Variants in EVI5 observed in about 807,000 individuals in gnomAD.
EVI5 encodes ecotropic viral integration site 5 protein homolog.
EVI5 carries 73 observed loss-of-function variants against 112.0 expected under a neutral mutation model. The ratio of observed to expected loss-of-function variants is 0.65; its 90% confidence interval spans 0.54 to 0.79. EVI5 has a LOEUF of 0.79. Ranked by LOEUF, EVI5 falls within the 30% of genes least tolerant of loss-of-function variation. EVI5 has a pLI of 0.00. For synonymous variants in EVI5, 305 were observed against 319.9 expected (o/e 0.95, Z 0.50); for missense variants, 900 against 968.8 (o/e 0.93, Z 0.94).
At chr1:92,708,097 A>T (rs1275198280) in intron 2 of EVI5, among the ~76,000 whole-genome samples, 1 of 152,194 alleles carries the variant, frequency 6.6e-6, no homozygotes, top group East Asian at 1.9e-4. Context: ...AGTTAGGTAA[A>T]GCCTTAATTA....
chr1:92,694,653 T>TA (rs904163812), intron 7 of EVI5, among the ~76,000 whole-genome samples: 1 of 152,266 alleles, frequency 6.6e-6, no homozygotes, highest in East Asian at 1.9e-4. Flanking sequence ...GAAAACTTTA[T>TA]AAAAAACAGG....
intron 19 of EVI5, among the ~76,000 whole-genome samples, chr1:92,552,122 GAAA>G (rs143454054): frequency 0.8 from 98,359 of 122,822 alleles, 39,071 homozygotes; most frequent in East Asian, 0.92. Flanking sequence ...GGGCTGTAGG[GAAA>G]AAAAAAAAAA....
intron 11 of EVI5, among the ~76,000 whole-genome samples, chr1:92,664,342 C>T (rs1664513801): frequency 6.6e-6 from 1 of 151,998 alleles, no homozygotes. Flanking sequence ...CACATCTGGG[C>T]CATCTAAGCC....
intron 10 of EVI5, among the ~76,000 whole-genome samples, chr1:92,667,056 G>A (rs1356382029): frequency 1.3e-5 from 2 of 152,194 alleles, no homozygotes; most frequent in African/African-American, 4.8e-5. Flanking sequence ...GGGAGACCAG[G>A]CAGGTGGATC....
At chr1:92,684,508 A>G (rs934023705) in intron 9 of EVI5, among the ~76,000 whole-genome samples, 2 of 152,208 alleles carry the variant, frequency 1.3e-5, no homozygotes, top group Non-Finnish European at 2.9e-5. Context: ...TGGGCAAAAT[A>G]ACCAGCTAAC....
chr1:92,709,302 C>T lies in EVI5; in HGVS notation c.150-4558G>A. On this transcript the variant is annotated intron_variant, in intron 2 of 19. Coordinates refer to ENST00000684568, the MANE Select transcript of EVI5 (RefSeq NM_001350197.2). ...GTATATACATTCTTTGAAATTCAAA[C>T]TTTACACTTAAGAACTACACATTTC... 1.3e-5 allele frequency among the ~76,000 whole-genome samples: 2 copies of T among 152,088 alleles called. 1 individual carries two copies. Among genetic ancestry groups the T allele is most frequent in the Non-Finnish European group, 2.9e-5 (2 of 68,002 alleles).
chr1:92,543,043 T>C (rs1483820607), intron 19 of EVI5, among the ~76,000 whole-genome samples: 1 of 152,188 alleles, frequency 6.6e-6, no homozygotes, highest in African/African-American at 2.4e-5. Context: ...GGCTTCAACT[T>C]AAAGTCAACA....
At chr1:92,624,043 G>T in intron 16 of EVI5, 133 bp downstream of exon 16, 1 of 697,158 alleles carries the variant, frequency 1.4e-6, no homozygotes, top group East Asian at 2.7e-5. Context: ...ATCTTCATTT[G>T]GGCTAGAAAA....
In EVI5 at chr1:92,660,248, T is replaced by A. The variant is rs1173482699; in HGVS notation, c.1392+2471A>T. 5.9e-5 allele frequency among the ~76,000 whole-genome samples: 9 copies of A among 152,012 alleles called. No individual in the cohort carries two copies. In the East Asian group the frequency reaches 1.7e-3, roughly 29 times the overall value. On this transcript the variant is annotated intron_variant, in intron 13 of 19. Coordinates refer to ENST00000684568, the MANE Select transcript of EVI5 (RefSeq NM_001350197.2). ...TAAAAATAACACTATTGAGCCATTT[T>A]AAAAAATGAAATTGTCATTTGTGAC...
At chr1:92,778,739 T>A (rs934927624) in intron 1 of EVI5, among the ~76,000 whole-genome samples, 1 of 152,188 alleles carries the variant, frequency 6.6e-6, no homozygotes, top group African/African-American at 2.4e-5. Context: ...TCTTCGGAGA[T>A]AGAAATCAGA....
rs370025910 is a variant in EVI5 at position 92,640,175 on chromosome 1, G to C, written c.1393-3839C>G. 3.6e-4 allele frequency among the ~76,000 whole-genome samples: 55 copies of C among 152,250 alleles called. 1 individual carries two copies. Among genetic ancestry groups the C allele is most frequent in the African/African-American group, 1.2e-3 (51 of 41,552 alleles). On this transcript the variant is annotated intron_variant, in intron 13 of 19. Transcript: ENST00000684568. The stretch of plus-strand genomic sequence containing the variant: ...CATAAAAACCCTAGAAGAAAACCTA[G>C]GCAATACCATTCAGGACATAGGCAT...
In EVI5 at chr1:92,663,462, GA is replaced by G; in HGVS notation, c.1213-11del. Reference sequence around the variant, plus strand: ...CCAAGGAAGCACTTTCCTACAAAAGGAAAAATTCAGATAGAAATATAAGAGA... The same window carrying G: ...CCAAGGAAGCACTTTCCTACAAAAGGAAAATTCAGATAGAAATATAAGAGA... On this transcript the variant is annotated splice_polypyrimidine_tract_variant and intron_variant, in intron 11 of 19. Coordinates refer to ENST00000684568, the MANE Select transcript of EVI5 (RefSeq NM_001350197.2). The G allele has an allele frequency of 7.5e-7, 1 of 1,325,460 alleles. No individual in the cohort carries two copies. Among genetic ancestry groups the G allele is most frequent in the Non-Finnish European group, 1.0e-6 (1 of 981,228 alleles). 82.1% of individuals were successfully genotyped at this position (1,325,460 alleles called of 1,614,324 possible). A position where few individuals can be genotyped will look rare whatever the true frequency, so the allele number is the denominator to read the frequency against.
chr1:92,771,449 C>A (rs1033282437), intron 1 of EVI5, among the ~76,000 whole-genome samples: 2 of 152,036 alleles, frequency 1.3e-5, no homozygotes, highest in Admixed American at 6.5e-5. Flanking sequence ...TACCAACATC[C>A]AGCAGCCTAT....
intron 9 of EVI5, among the ~76,000 whole-genome samples, chr1:92,687,570 C>T (rs1457246559): frequency 3.9e-5 from 6 of 152,150 alleles, no homozygotes; most frequent in Admixed American, 3.3e-4. Flanking sequence ...AGCTTCTGCA[C>T]AGCAGAAGAA....
chr1:92,592,670 T>G (rs1331927850), intron 18 of EVI5, among the ~76,000 whole-genome samples: 1 of 151,940 alleles, frequency 6.6e-6, no homozygotes, highest in East Asian at 1.9e-4. Context: ...AATAGACCAC[T>G]AGCAAGACTA....
chr1:92,530,437 A>G (rs901149235), intron 19 of EVI5, among the ~76,000 whole-genome samples: 9 of 152,076 alleles, frequency 5.9e-5, no homozygotes. Flanking sequence ...TCGAGCTCTG[A>G]TAAGGGACAG....
At chr1:92,570,759 G>A (rs1670209957) in intron 18 of EVI5, among the ~76,000 whole-genome samples, 1 of 152,122 alleles carries the variant, frequency 6.6e-6, no homozygotes, top group Admixed American at 6.5e-5. Flanking sequence ...TTATACAAAA[G>A]CTACCAAGTG....
At chr1:92,659,957 T>A (rs1932965) in intron 13 of EVI5, among the ~76,000 whole-genome samples, 140,030 of 152,008 alleles carry the variant, frequency 0.92, 64,585 homozygotes, top group East Asian at 0.97. Context: ...AACTAGAGGA[T>A]ATTATCTTAA....
intron 19 of EVI5, among the ~76,000 whole-genome samples, chr1:92,520,123 T>A (rs1405503946): frequency 6.6e-6 from 1 of 152,124 alleles, no homozygotes; most frequent in Admixed American, 6.5e-5. Flanking sequence ...GTTGCAAAAC[T>A]ATGCAAACAT....
Sources: allele counts gnomAD v4.1 joint callset (sites outside exome capture counted in the v4.1 genomes callset), GRCh38; gene constraint gnomAD v4.1.1; transcripts MANE v1.5; gene names NCBI Gene and HGNC (gene_info 2026-07-23, HGNC 2026-07-21).